Variants in UNC5D observed in about 807,000 individuals in gnomAD.
UNC5D encodes unc-5 netrin receptor D, also known as netrin receptor UNC5D.
Under a neutral mutation model 105.4 loss-of-function variants are expected in UNC5D, and 39 were observed. The ratio of observed to expected loss-of-function variants is 0.37; its 90% CI spans 0.29 to 0.48. UNC5D has a LOEUF of 0.48. Among genes scored for constraint, UNC5D ranks in the 20% least tolerant of loss-of-function variants. The probability of loss-of-function intolerance (pLI) is 0.98; values close to 1 mark genes in which losing one functional copy is unlikely to be tolerated. For synonymous variants in UNC5D, 452 were observed against 450.4 expected (o/e 1.00, Z -0.04); for missense variants, 991 against 1,202.4 (o/e 0.82, Z 2.60).
chr8:35,655,771 A>G (rs991213228), intron 4 of UNC5D, among the ~76,000 whole-genome samples: 1 of 152,184 alleles, frequency 6.6e-6, no homozygotes, highest in Non-Finnish European at 1.5e-5. Flanking sequence ...GTCCTTTCAG[A>G]CAGTATGGTG....
chr8:35,596,247 C>T (rs1197296676), intron 4 of UNC5D, among the ~76,000 whole-genome samples: 1 of 152,104 alleles, frequency 6.6e-6, no homozygotes, highest in African/African-American at 2.4e-5. Flanking sequence ...ATGTTTTTTG[C>T]TTCTTGAATG....
intron 4 of UNC5D, among the ~76,000 whole-genome samples, chr8:35,676,427 G>A (rs1825226870): frequency 6.6e-6 from 1 of 152,178 alleles, no homozygotes; most frequent in Non-Finnish European, 1.5e-5. Context: ...CTTCAGGAAT[G>A]TTAGGCCTCT....
intron 1 of UNC5D, among the ~76,000 whole-genome samples, chr8:35,253,990 G>T (rs144202340): frequency 6.6e-6 from 1 of 151,988 alleles, no homozygotes; most frequent in Admixed American, 6.5e-5. Context: ...TTCCCTTCAC[G>T]TACTCTCTAC....
chr8:35,573,063 A>G (rs1037737434), intron 3 of UNC5D, among the ~76,000 whole-genome samples: 2 of 152,140 alleles, frequency 1.3e-5, no homozygotes, highest in Non-Finnish European at 2.9e-5. Flanking sequence ...TCAGCCTCCC[A>G]AAGTGCTGGG....
intron 1 of UNC5D, among the ~76,000 whole-genome samples, chr8:35,316,737 T>G (rs1006655020): frequency 4.6e-5 from 7 of 152,182 alleles, no homozygotes; most frequent in Non-Finnish European, 1.0e-4. Context: ...AAATTTTTAT[T>G]GAGACTGCAT....
intron 1 of UNC5D, among the ~76,000 whole-genome samples, chr8:35,324,238 A>AAAAAAAAAAAAAAC (rs1809976861): frequency 6.7e-6 from 1 of 149,706 alleles, no homozygotes; most frequent in Non-Finnish European, 1.5e-5. Flanking sequence ...GTCTCCAAAA[A>AAAAAAAAAAAAAAC]AAAAAAAAAA....
In UNC5D at chr8:35,750,595, T is replaced by A; in HGVS notation, c.1949T>A (p.Val650Glu). ...CTTTCCCAACAGGAAGTGATGTCAG[T>A]GGAAGATGAATCTACATCCTGTTAC... ...QQGKWEEVMS[V>E]EDESTSCYCL... The change falls in exon 13 of 17, where the codon GTG becomes GAG. Residue 650 changes from valine to glutamate, a missense_variant. Around this residue, in one of 3 missense-constraint regions of UNC5D, gnomAD observed 944 missense variants for 1,131.6 expected, o/e 0.83. Coordinates refer to ENST00000404895, the MANE Select transcript of UNC5D (RefSeq NM_080872.4). 2.5e-6 allele frequency: 4 copies of A among 1,614,104 alleles called. No homozygotes were observed. The highest frequency in any genetic ancestry group is 3.4e-6 in the Non-Finnish European group (4 of 1,179,998).
chr8:35,489,518 G>T (rs1342127176), intron 1 of UNC5D, among the ~76,000 whole-genome samples: 1 of 152,170 alleles, frequency 6.6e-6, no homozygotes, highest in Non-Finnish European at 1.5e-5. Context: ...TTTGGACACA[G>T]AAACACTAGG....
At chr8:35,594,678 G>A (rs2958249) in intron 3 of UNC5D, among the ~76,000 whole-genome samples, 13,894 of 152,048 alleles carry the variant, frequency 0.091, 665 homozygotes, top group Middle Eastern at 0.11. Context: ...TTAATGAAGC[G>A]TGTGCTCAAG....
At chr8:35,400,538 C>G (rs1306978214) in intron 1 of UNC5D, among the ~76,000 whole-genome samples, 1 of 152,070 alleles carries the variant, frequency 6.6e-6, no homozygotes, top group Non-Finnish European at 1.5e-5. Flanking sequence ...CAGATGTAAA[C>G]TTCATTTTTT....
chr8:35,288,189 A>T (rs955243268), intron 1 of UNC5D, among the ~76,000 whole-genome samples: 1 of 152,286 alleles, frequency 6.6e-6, no homozygotes, highest in African/African-American at 2.4e-5. Flanking sequence ...GATAAAGAAT[A>T]CAGAAAGTAG....
At chr8:35,540,668 G>A (rs1015191544) in intron 1 of UNC5D, among the ~76,000 whole-genome samples, 1 of 152,152 alleles carries the variant, frequency 6.6e-6, no homozygotes, top group Non-Finnish European at 1.5e-5. Context: ...ATCACTGTAT[G>A]TTTCCATTAG....
intron 1 of UNC5D, among the ~76,000 whole-genome samples, chr8:35,523,244 A>G (rs779339792): frequency 2.6e-5 from 4 of 151,944 alleles, no homozygotes; most frequent in African/African-American, 4.8e-5. Flanking sequence ...CACCACGTCT[A>G]GCTAACTTTT....
Position 35,726,399 on chromosome 8 carries a change from C to T in UNC5D, c.1551C>T (p.Ser517=), listed in dbSNP as rs1440557046. 2 of 1,614,138 alleles carry T rather than the reference C, an allele frequency of 1.2e-6. No homozygotes were observed. The highest frequency in any genetic ancestry group is 1.7e-6 in the Non-Finnish European group (2 of 1,180,024). The part of the protein sequence containing the change: ...SRTFPHGNNH[S]FSTMHPRNKM... ...CTTTTCCCCATGGAAACAACCACAG[C>T]TTTAGTACAATGCATCCCAGAAATA... Residue 517 remains serine, a synonymous_variant, in exon 10 of 17, where the codon AGC becomes AGT. Transcript: ENST00000404895.
intron 1 of UNC5D, among the ~76,000 whole-genome samples, chr8:35,380,840 T>C (rs572568371): frequency 6.6e-6 from 1 of 152,324 alleles, no homozygotes; most frequent in Non-Finnish European, 1.5e-5. Context: ...GCATTTTTTA[T>C]GTCCACTTTA....
chr8:35,347,076 A>G (rs1023022370), intron 1 of UNC5D, among the ~76,000 whole-genome samples: 8 of 152,166 alleles, frequency 5.3e-5, no homozygotes, highest in African/African-American at 1.9e-4. Flanking sequence ...AGGGGTGCTC[A>G]CCACCATTGA....
chr8:35,771,903 C>CATAA (rs1802027567), intron 15 of UNC5D, among the ~76,000 whole-genome samples: 1 of 152,134 alleles, frequency 6.6e-6, no homozygotes, highest in Non-Finnish European at 1.5e-5. Context: ...TTCATAACTT[C>CATAA]TGTGGAGTCT....
At chr8:35,659,506 A>G (rs968374408) in intron 4 of UNC5D, among the ~76,000 whole-genome samples, 5 of 152,254 alleles carry the variant, frequency 3.3e-5, no homozygotes, top group Non-Finnish European at 5.9e-5. Context: ...ACCTGTTGTT[A>G]CATGTTATGA....
At chr8:35,539,484 C>T (rs1310956457) in intron 1 of UNC5D, among the ~76,000 whole-genome samples, 1 of 152,102 alleles carries the variant, frequency 6.6e-6, no homozygotes, top group East Asian at 1.9e-4. Context: ...TTTAATATTT[C>T]ATGTTCCACC....
Sources: gnomAD v4.1 joint callset for allele counts (sites outside exome capture counted in the v4.1 genomes callset) on GRCh38, gnomAD v4.1.1 for gene constraint, gnomAD v4.1.1 regional missense constraint, MANE v1.5 for transcripts, NCBI Gene and HGNC (gene_info 2026-07-23, HGNC 2026-07-21) for gene names.